CLASP2: variants seen among roughly 807,000 people sequenced by gnomAD.
CLASP2 encodes cytoplasmic linker associated protein 2.
A neutral mutation model predicts 194.4 loss-of-function variants in CLASP2; 47 were observed. That is an observed-to-expected ratio of 0.24 (90% CI 0.19 to 0.31). The LOEUF (loss-of-function observed/expected upper bound fraction) is 0.31, where lower values mean the gene tolerates loss of function less well. CLASP2 is among the 10% of genes least tolerant of loss of function. CLASP2 has a pLI of 1.00. For synonymous variants in CLASP2, 619 were observed against 633.5 expected (o/e 0.98, Z 0.34); for missense variants, 1,445 against 1,823.6 (o/e 0.79, Z 3.78).
intron 29 of CLASP2, among the ~76,000 whole-genome samples, chr3:33,555,794 T>C (rs72854348): frequency 0.081 from 12,361 of 152,306 alleles, 541 homozygotes; most frequent in Admixed American, 0.1. Context: ...AATAACTGAA[T>C]ATATTTATTT....
chr3:33,516,056 T>C lies in CLASP2; in HGVS notation c.4077A>G (p.Lys1359=), dbSNP rs1317678809. The change falls in exon 36 of 39, where the codon AAA becomes AAG. Residue 1359 remains lysine (K), a synonymous_variant. Transcript: ENST00000682230. ...GAGGATCTTTATGTGCTTCCAATGT[T>C]TTCATGACAGTCAATTCTGCATAGT... is the stretch of plus-strand genomic sequence containing the variant. ...FKNYAELTVM[K]TLEAHKDPHK... 1.2e-5 allele frequency: 19 copies of C among 1,611,338 alleles called. No individual in the cohort carries two copies. Among genetic ancestry groups the C allele is most frequent in the Non-Finnish European group, 1.6e-5 (19 of 1,178,664 alleles).
chr3:33,600,163 G>A (rs1254189554), intron 18 of CLASP2, among the ~76,000 whole-genome samples: 1 of 151,938 alleles, frequency 6.6e-6, no homozygotes, highest in Non-Finnish European at 1.5e-5. Context: ...GAGACAGTTT[G>A]TTCTTCCATT....
chr3:33,659,315 G>A lies in CLASP2; in HGVS notation c.715+4130C>T, dbSNP rs552824590. ...ACTGGCTGCCTGAAATTTAATCTAA[G>A]AAAAGCTCTGAGAGCCAATAAATGC... is the stretch of plus-strand genomic sequence containing the variant. On this transcript the variant is annotated intron_variant, in intron 7 of 38. Transcript: ENST00000682230. 2.7e-5 allele frequency: 31 copies of A among 1,147,254 alleles called. No homozygotes were observed. The South Asian group carries it at 1.1e-3, about 41-fold the overall frequency. 71.1% of individuals were successfully genotyped at this position (1,147,254 alleles called of 1,614,324 possible).
intron 1 of CLASP2, among the ~76,000 whole-genome samples, chr3:33,714,292 A>G (rs1252836121): frequency 4.6e-5 from 7 of 152,234 alleles, no homozygotes; most frequent in Admixed American, 1.3e-4. Flanking sequence ...GTCAAATGTC[A>G]GACTACATAT....
At chr3:33,596,764 G>C (rs774491645) in intron 18 of CLASP2, 30 bp from the exon 19 acceptor site, 1 of 1,521,342 alleles carries the variant, frequency 6.6e-7, no homozygotes, top group Non-Finnish European at 8.9e-7. Context: ...AAAGAACAGA[G>C]GAAAACTTAG....
At chr3:33,522,483 C>T (rs1171287742) in intron 34 of CLASP2, among the ~76,000 whole-genome samples, 1 of 152,020 alleles carries the variant, frequency 6.6e-6, no homozygotes, top group Non-Finnish European at 1.5e-5. Flanking sequence ...TATTAAGATT[C>T]AAATATCCAG....
intron 7 of CLASP2, 194 bp from the exon 8 acceptor site, chr3:33,645,097 C>A: frequency 1.5e-6 from 1 of 665,804 alleles, no homozygotes; most frequent in South Asian, 1.7e-5. Flanking sequence ...AATTCAAAAT[C>A]AAAATGCAGT....
In CLASP2 at chr3:33,630,457, G is replaced by A. The variant is rs911660701; in HGVS notation, c.942+1835C>T. Among the ~76,000 whole-genome samples the A allele has an allele frequency of 2.0e-5, 3 of 151,980 alleles. No homozygotes were observed. In the East Asian group the frequency reaches 5.8e-4, roughly 29 times the overall value. ...CATATAAATGGGTATAGGAATAATG[G>A]TCACAAAGTAATAATGAGGAGTGCA... On this transcript the variant is annotated intron_variant, in intron 9 of 38. Coordinates refer to ENST00000682230, the MANE Select transcript of CLASP2 (RefSeq NM_001365631.1).
intron 6 of CLASP2, among the ~76,000 whole-genome samples, chr3:33,665,386 A>T (rs569538755): frequency 1.3e-5 from 2 of 152,202 alleles, no homozygotes; most frequent in South Asian, 4.2e-4. Flanking sequence ...AGGGGAGGGG[A>T]AAAGAAGAAA....
chr3:33,586,301 A>G (rs1020102252), intron 21 of CLASP2, among the ~76,000 whole-genome samples: 6 of 151,962 alleles, frequency 3.9e-5, no homozygotes, highest in Non-Finnish European at 5.9e-5. Context: ...CACCTGGTTA[A>G]TTTTTGTATT....
At chr3:33,573,797 TTC>T (rs1296945014) in intron 24 of CLASP2, among the ~76,000 whole-genome samples, 3 of 152,184 alleles carry the variant, frequency 2.0e-5, no homozygotes, top group African/African-American at 4.8e-5. Flanking sequence ...TTCCATTTTT[TTC>T]TGTCTATCTT....
At chr3:33,691,218 A>G (rs536126573) in intron 2 of CLASP2, among the ~76,000 whole-genome samples, 1 of 152,300 alleles carries the variant, frequency 6.6e-6, no homozygotes, top group South Asian at 2.1e-4. Context: ...GGACTACTAC[A>G]TAGCTTTTCT....
At chr3:33,708,171 A>G (rs2092784278) in intron 1 of CLASP2, among the ~76,000 whole-genome samples, 1 of 151,960 alleles carries the variant, frequency 6.6e-6, no homozygotes. Flanking sequence ...GAACTTACTC[A>G]TCGTATAACA....
intron 8 of CLASP2, among the ~76,000 whole-genome samples, chr3:33,643,236 T>C (rs527350753): frequency 2.6e-4 from 40 of 152,088 alleles, no homozygotes; most frequent in Admixed American, 2.6e-3. Flanking sequence ...TAAAATGTTA[T>C]ATATTATCAC....
At chr3:33,644,438 A>G (rs1374107881) in intron 8 of CLASP2, 1 of 318,134 alleles carries the variant, frequency 3.1e-6, no homozygotes. Context: ...TTAGTAGCCA[A>G]ATTCTGAAAA....
At chr3:33,700,457 T>C (rs867217070) in intron 1 of CLASP2, among the ~76,000 whole-genome samples, 3 of 152,042 alleles carry the variant, frequency 2.0e-5, no homozygotes, top group African/African-American at 7.2e-5. Context: ...TAAAAATATA[T>C]GTATTTAATT....
At position 33,592,628 on chromosome 3, in the gene CLASP2, T is replaced by C. The variant is rs1210517273; in HGVS notation, c.1967-132A>G. ...ATGTAATCATCAATTACGGGTTCTA[T>C]TTCTCTTAAAAATTTTATAAACAGT... On this transcript the variant is annotated intron_variant, in intron 20 of 38. Coordinates refer to ENST00000682230, the MANE Select transcript of CLASP2 (RefSeq NM_001365631.1). The C allele has an allele frequency of 7.9e-6, 6 of 755,652 alleles. No individual in the cohort carries two copies. In the African/African-American group the frequency reaches 1.1e-4, roughly 13 times the overall value. The allele number at this position is 755,652 out of a possible 1,614,324, so 46.8% of individuals were successfully genotyped here.
At chr3:33,713,012 C>CAGAAAAAAAAAAAAAAAA (rs1559717375) in intron 1 of CLASP2, among the ~76,000 whole-genome samples, 12 of 46,990 alleles carry the variant, frequency 2.6e-4, no homozygotes, top group Non-Finnish European at 5.1e-4. Context: ...AACTCCACCT[C>CAGAAAAAAAAAAAAAAAA]AAAAAAAAAA....
At chr3:33,709,497 A>G (rs1158209150) in intron 1 of CLASP2, among the ~76,000 whole-genome samples, 2 of 152,188 alleles carry the variant, frequency 1.3e-5, no homozygotes, top group Non-Finnish European at 2.9e-5. Context: ...TATAAGGAGG[A>G]GGCCAAAAGC....
Sources: gnomAD v4.1 joint callset for allele counts (sites outside exome capture counted in the v4.1 genomes callset) on GRCh38, gnomAD v4.1.1 for gene constraint, MANE v1.5 for transcripts, NCBI Gene and HGNC (gene_info 2026-07-23, HGNC 2026-07-21) for gene names.